Variants in TEX36 observed in about 807,000 individuals in gnomAD.
The protein encoded by TEX36 is testis-expressed protein 36.
A neutral mutation model predicts 13.6 loss-of-function variants in TEX36; 12 were observed. The observed-to-expected ratio is 0.88, with a 90% CI of 0.56 to 1.43. The LOEUF (loss-of-function observed/expected upper bound fraction) is 1.43, where lower values mean the gene tolerates loss of function less well. Ranked by LOEUF, TEX36 falls within the 40% of genes most tolerant of loss-of-function variation. The pLI is 0.00. For missense variants in TEX36, 224 were observed against 228.3 expected, an observed-to-expected ratio of 0.98 and a Z score of 0.12; for synonymous variants, 93 against 83.0, an observed-to-expected ratio of 1.12 and a Z score of -0.65.
downstream of TEX36, among the ~76,000 whole-genome samples, chr10:125,650,741 G>C (rs1846839090): frequency 3.3e-5 from 5 of 152,156 alleles, no homozygotes; most frequent in South Asian, 1.0e-3. Flanking sequence ...CAACAAAATT[G>C]ATAGACCACT....
chr10:125,665,457 T>G (rs1847107026), intron 1 of TEX36, among the ~76,000 whole-genome samples: 1 of 152,206 alleles, frequency 6.6e-6, no homozygotes, highest in Non-Finnish European at 1.5e-5. Flanking sequence ...TTCTTTCTTC[T>G]GCATGTGGCT....
intron 3 of TEX36, among the ~76,000 whole-genome samples, chr10:125,632,683 T>C (rs964852080): frequency 6.6e-5 from 10 of 152,146 alleles, no homozygotes; most frequent in Admixed American, 1.3e-4. Context: ...CACGAGCTGC[T>C]CAGCTACAGT....
intron 1 of TEX36, among the ~76,000 whole-genome samples, chr10:125,675,521 G>A (rs1326797712): frequency 1.3e-5 from 2 of 152,218 alleles, no homozygotes; most frequent in African/African-American, 4.8e-5. Flanking sequence ...TAAGGCCCTG[G>A]TGGTGTGGGC....
chr10:125,615,048 T>G (rs1283258736), intron 3 of TEX36, among the ~76,000 whole-genome samples: 1 of 152,236 alleles, frequency 6.6e-6, no homozygotes, highest in Non-Finnish European at 1.5e-5. Context: ...GAAGCAATTG[T>G]GAATGGGAGT....
At chr10:125,580,691 G>C (rs1845871847) in intron 3 of TEX36, among the ~76,000 whole-genome samples, 1 of 152,146 alleles carries the variant, frequency 6.6e-6, no homozygotes, top group Non-Finnish European at 1.5e-5. Flanking sequence ...GACCAGAAAG[G>C]GTGCAAGCTT....
At chr10:125,655,623 G>A (rs1009197873), downstream of TEX36, 15 of 1,104,016 alleles carry the variant, frequency 1.4e-5, no homozygotes, top group South Asian at 5.2e-4. Context: ...TGTTTCCTCT[G>A]TATGGTTTGA....
At chr10:125,666,060 T>G (rs1296796586) in intron 1 of TEX36, among the ~76,000 whole-genome samples, 3 of 152,218 alleles carry the variant, frequency 2.0e-5, no homozygotes, top group Admixed American at 6.5e-5. Flanking sequence ...GCAACTTTAC[T>G]GAATATATTT....
intron 3 of TEX36, among the ~76,000 whole-genome samples, chr10:125,626,338 C>A (rs1255430433): frequency 2.0e-5 from 3 of 152,276 alleles, no homozygotes; most frequent in South Asian, 4.1e-4. Flanking sequence ...GTGCTGAGTG[C>A]CCCCTATATC....
At position 125,656,190 on chromosome 10, in the gene TEX36, C is replaced by T. The variant is rs1320208874; in HGVS notation, c.271G>A (p.Gly91Arg). ...TTATCTGGAGAGATCTTCTTACGTCCCAGGCCCTGGAGAGAAGAATTACAA... is the reference window on the plus strand; with the variant it reads ...TTATCTGGAGAGATCTTCTTACGTCTCAGGCCCTGGAGAGAAGAATTACAA... Reference protein sequence around the residue: ...NSGCYLDSGLGRKKISPDKRQ... With the variant: ...NSGCYLDSGLRRKKISPDKRQ... The change falls in exon 4 of 4, where the codon GGA (glycine) becomes AGA (arginine). Residue 91 changes from glycine (G) to arginine (R), a missense_variant. Transcript: ENST00000368821. The T allele has an allele frequency of 6.7e-7, 1 of 1,498,404 alleles. No homozygotes were observed. Among genetic ancestry groups the T allele is most frequent in the African/African-American group, 1.4e-5 (1 of 70,938 alleles). 92.8% of individuals were successfully genotyped at this position (1,498,404 alleles called of 1,614,324 possible).
At chr10:125,635,020 C>T (rs1374320218) in intron 3 of TEX36, among the ~76,000 whole-genome samples, 1 of 152,158 alleles carries the variant, frequency 6.6e-6, no homozygotes, top group Non-Finnish European at 1.5e-5. Context: ...TTCCCTTAAG[C>T]AAGGCAGGGA....
intron 3 of TEX36, among the ~76,000 whole-genome samples, chr10:125,631,104 C>T (rs555869286): frequency 1.3e-5 from 2 of 152,268 alleles, no homozygotes; most frequent in Admixed American, 6.5e-5. Context: ...TCACCAGTAA[C>T]CCTGGAAACA....
intron 3 of TEX36, among the ~76,000 whole-genome samples, chr10:125,579,662 G>A (rs941176767): frequency 6.6e-6 from 1 of 152,134 alleles, no homozygotes; most frequent in African/African-American, 2.4e-5. Context: ...ATTGGATCAT[G>A]GGGGTGGATT....
At chr10:125,602,933 C>T (rs1846167209) in intron 3 of TEX36, among the ~76,000 whole-genome samples, 1 of 152,206 alleles carries the variant, frequency 6.6e-6, no homozygotes, top group Admixed American at 6.5e-5. Flanking sequence ...CTGGAGATTT[C>T]CATGGGGACC....
chr10:125,609,367 T>C (rs1846261399), intron 3 of TEX36, among the ~76,000 whole-genome samples: 1 of 152,150 alleles, frequency 6.6e-6, no homozygotes, highest in Non-Finnish European at 1.5e-5. Flanking sequence ...CACTGCTAGC[T>C]AGTCACCCAG....
intron 3 of TEX36, among the ~76,000 whole-genome samples, chr10:125,647,699 G>GT (rs1846792200): frequency 2.0e-5 from 3 of 149,742 alleles, no homozygotes; most frequent in African/African-American, 7.6e-5. Context: ...ACAGAGCAGG[G>GT]CGGGGCATTG....
chr10:125,665,969 G>A (rs1250923639), intron 1 of TEX36, among the ~76,000 whole-genome samples: 1 of 151,980 alleles, frequency 6.6e-6, no homozygotes. Flanking sequence ...AAATGAAATT[G>A]CCTTCTTGAT....
intron 3 of TEX36, among the ~76,000 whole-genome samples, chr10:125,583,558 G>T (rs1030946391): frequency 2.6e-5 from 4 of 152,282 alleles, no homozygotes; most frequent in Admixed American, 1.3e-4. Context: ...ACCTCCTAAA[G>T]GCAGAACTTC....
intron 3 of TEX36, among the ~76,000 whole-genome samples, chr10:125,647,814 G>A (rs947235157): frequency 9.9e-5 from 15 of 152,154 alleles, no homozygotes; most frequent in Admixed American, 3.3e-4. Context: ...ATAATACTGC[G>A]CTTTTCCAAT....
At chr10:125,606,233 T>C (rs985997391) in intron 3 of TEX36, among the ~76,000 whole-genome samples, 1 of 152,246 alleles carries the variant, frequency 6.6e-6, no homozygotes, top group Non-Finnish European at 1.5e-5. Context: ...GTGAAATGTA[T>C]TCAAGAACGA....
Sources: gnomAD v4.1 joint callset for allele counts (sites outside exome capture counted in the v4.1 genomes callset) on GRCh38, gnomAD v4.1.1 for gene constraint, MANE v1.5 for transcripts, NCBI Gene and HGNC (gene_info 2026-07-23, HGNC 2026-07-21) for gene names.